DIAPH3: variants seen among roughly 807,000 people sequenced by gnomAD.
The protein encoded by DIAPH3 is protein diaphanous homolog 3.
In DIAPH3, 117 loss-of-function variants were observed where a neutral mutation model predicts 144.3. The ratio of observed to expected loss-of-function variants is 0.81; its 90% CI spans 0.70 to 0.95. The LOEUF is 0.95. Among genes scored for constraint, DIAPH3 ranks in the 40% least tolerant of loss-of-function variants. The probability of loss-of-function intolerance (pLI) is 0.00; values close to 1 mark genes in which losing one functional copy is unlikely to be tolerated. For missense variants in DIAPH3, 1,421 were observed against 1,412.7 expected, an observed-to-expected ratio of 1.01 and a Z score of -0.09; for synonymous variants, 519 against 488.9, an observed-to-expected ratio of 1.06 and a Z score of -0.81.
intron 21 of DIAPH3, among the ~76,000 whole-genome samples, chr13:59,870,142 G>A (rs895988098): frequency 6.7e-6 from 1 of 149,566 alleles, no homozygotes; most frequent in Non-Finnish European, 1.5e-5. Flanking sequence ...GTTAATTTTT[G>A]TGAAAGATAT....
chr13:59,938,733 G>T (rs750020261), intron 17 of DIAPH3, among the ~76,000 whole-genome samples: 17 of 152,158 alleles, frequency 1.1e-4, no homozygotes, highest in Non-Finnish European at 2.5e-4. Flanking sequence ...TGAGGTTAAA[G>T]GAAGACTAGC....
chr13:59,717,140 A>G (rs187262363), intron 27 of DIAPH3, among the ~76,000 whole-genome samples: 98 of 152,316 alleles, frequency 6.4e-4, no homozygotes, highest in African/African-American at 2.3e-3. Flanking sequence ...TTGACATTAG[A>G]AAAAAATTAT....
chr13:59,915,263 T>C (rs2047173081), intron 19 of DIAPH3, among the ~76,000 whole-genome samples: 1 of 152,130 alleles, frequency 6.6e-6, no homozygotes, highest in Non-Finnish European at 1.5e-5. Flanking sequence ...AGGTAGTTTA[T>C]GAGTCTCAGC....
intron 25 of DIAPH3, among the ~76,000 whole-genome samples, chr13:59,802,986 T>C (rs1050834852): frequency 1.1e-4 from 17 of 152,252 alleles, no homozygotes; most frequent in South Asian, 2.1e-4. Context: ...GCCCAGCCGA[T>C]CTATATTATG....
At chr13:59,988,259 C>A (rs985582214) in intron 12 of DIAPH3, among the ~76,000 whole-genome samples, 4 of 151,938 alleles carry the variant, frequency 2.6e-5, no homozygotes, top group African/African-American at 9.6e-5. Context: ...TATCTCCCAT[C>A]CCCAAATATT....
chr13:59,832,528 A>G (rs1339334467), intron 24 of DIAPH3, among the ~76,000 whole-genome samples: 1 of 151,806 alleles, frequency 6.6e-6, no homozygotes, highest in Non-Finnish European at 1.5e-5. Context: ...TCTCACTTTA[A>G]TATGTGTGTA....
intron 14 of DIAPH3, among the ~76,000 whole-genome samples, chr13:59,979,560 C>T (rs867616621): frequency 2.0e-4 from 30 of 151,554 alleles, no homozygotes; most frequent in African/African-American, 6.5e-4. Context: ...CAGCCGAAGG[C>T]GTGGGAAATA....
intron 5 of DIAPH3, among the ~76,000 whole-genome samples, chr13:60,033,316 CA>C (rs1401970947): frequency 1.3e-5 from 2 of 152,168 alleles, no homozygotes; most frequent in African/African-American, 4.8e-5. Flanking sequence ...GATATTTTTA[CA>C]GCAAATGCCC....
At chr13:59,801,619 ACAGT>A (rs961310320) in intron 25 of DIAPH3, among the ~76,000 whole-genome samples, 2 of 152,202 alleles carry the variant, frequency 1.3e-5, no homozygotes, top group Admixed American at 1.3e-4. Flanking sequence ...TGCTCTAAAG[ACAGT>A]CAGTCATCTA....
At chr13:59,993,705 A>AAAAAAAAC in intron 9 of DIAPH3, among the ~76,000 whole-genome samples, 1 of 147,010 alleles carries the variant, frequency 6.8e-6, no homozygotes, top group Non-Finnish European at 1.5e-5. Context: ...ACATACTTAA[A>AAAAAAAAC]AAAAAAAAAA....
intron 25 of DIAPH3, among the ~76,000 whole-genome samples, chr13:59,792,606 T>C (rs1009680769): frequency 6.6e-6 from 1 of 152,176 alleles, no homozygotes; most frequent in East Asian, 1.9e-4. Context: ...TTCCAATAAC[T>C]TGAATTCATA....
intron 18 of DIAPH3, among the ~76,000 whole-genome samples, chr13:59,918,570 C>T (rs2047351129): frequency 6.6e-6 from 1 of 152,098 alleles, no homozygotes; most frequent in African/African-American, 2.4e-5. Context: ...GATGCAGGGC[C>T]AGCTGTGGGA....
At chr13:59,902,330 C>T (rs944627115) in intron 20 of DIAPH3, among the ~76,000 whole-genome samples, 1 of 152,084 alleles carries the variant, frequency 6.6e-6, no homozygotes, top group African/African-American at 2.4e-5. Flanking sequence ...TTGCACCCCC[C>T]TCCCACCTTA....
intron 3 of DIAPH3, among the ~76,000 whole-genome samples, chr13:60,100,055 T>A (rs2058227363): frequency 6.6e-6 from 1 of 152,184 alleles, no homozygotes; most frequent in Non-Finnish European, 1.5e-5. Context: ...ATGATAGTAT[T>A]AGATTATAAC....
intron 17 of DIAPH3, among the ~76,000 whole-genome samples, chr13:59,927,312 T>G (rs1410297217): frequency 6.6e-6 from 1 of 152,196 alleles, no homozygotes; most frequent in Non-Finnish European, 1.5e-5. Context: ...TTTACACTAC[T>G]TATAATCAAG....
At chr13:59,997,822 G>A (rs1474655793) in intron 9 of DIAPH3, among the ~76,000 whole-genome samples, 1 of 152,066 alleles carries the variant, frequency 6.6e-6, no homozygotes, top group Non-Finnish European at 1.5e-5. Context: ...CTGGGTATAA[G>A]TAGATGTTTT....
At chr13:59,904,645 T>TA (rs140839041) in intron 20 of DIAPH3, among the ~76,000 whole-genome samples, 8,834 of 151,384 alleles carry the variant, frequency 0.058, 301 homozygotes, top group Admixed American at 0.1. Flanking sequence ...AATGCGTCCC[T>TA]AAAAAAAAAT....
intron 17 of DIAPH3, among the ~76,000 whole-genome samples, chr13:59,963,634 T>TG (rs983490824): frequency 1.1e-5 from 1 of 88,338 alleles, no homozygotes; most frequent in African/African-American, 4.4e-5. Flanking sequence ...GTGTATGTAA[T>TG]GGGGGGGAGG....
chr13:59,667,823 T>C (rs1469140432), intron 27 of DIAPH3, among the ~76,000 whole-genome samples: 1 of 152,240 alleles, frequency 6.6e-6, no homozygotes, highest in African/African-American at 2.4e-5. Context: ...CTCTGAGAGA[T>C]GTTCCATTGT....
Sources: gnomAD v4.1 joint callset for allele counts (sites outside exome capture counted in the v4.1 genomes callset) on GRCh38, gnomAD v4.1.1 for gene constraint, MANE v1.5 for transcripts, NCBI Gene and HGNC (gene_info 2026-07-23, HGNC 2026-07-21) for gene names.